KCNN2: variants seen among roughly 807,000 people sequenced by gnomAD.
KCNN2 encodes small conductance calcium-activated potassium channel protein 2.
In KCNN2, 24 loss-of-function variants were observed where a neutral mutation model predicts 55.5. That is an observed-to-expected ratio of 0.43 (90% CI 0.31 to 0.61). The LOEUF is 0.61. Ranked by LOEUF, KCNN2 falls within the 20% of genes least tolerant of loss-of-function variation. The probability of loss-of-function intolerance (pLI) is 0.08; values close to 1 mark genes in which losing one functional copy is unlikely to be tolerated. For missense variants in KCNN2, 754 were observed against 853.6 expected, an observed-to-expected ratio of 0.88 and a Z score of 1.45; for synonymous variants, 431 against 336.1, an observed-to-expected ratio of 1.28 and a Z score of -3.09.
At chr5:114,094,229 T>C (rs1319432539) in intron 1 of KCNN2, among the ~76,000 whole-genome samples, 1 of 145,582 alleles carries the variant, frequency 6.9e-6, no homozygotes, top group East Asian at 1.9e-4. Flanking sequence ...TGTGACACTC[T>C]TTACCTGCCC....
At chr5:114,460,459 G>A (rs1213931017) in intron 3 of KCNN2, among the ~76,000 whole-genome samples, 1 of 152,144 alleles carries the variant, frequency 6.6e-6, no homozygotes, top group African/African-American at 2.4e-5. Flanking sequence ...GCCCAAGCTG[G>A]TCCCGAACTC....
At chr5:114,170,218 C>T (rs531153224) in intron 1 of KCNN2, among the ~76,000 whole-genome samples, 2 of 152,204 alleles carry the variant, frequency 1.3e-5, no homozygotes, top group African/African-American at 4.8e-5. Flanking sequence ...CCATATTCTT[C>T]ATTACATAAT....
chr5:114,222,031 G>A (rs1212756484), intron 2 of KCNN2, among the ~76,000 whole-genome samples: 2 of 152,168 alleles, frequency 1.3e-5, no homozygotes, highest in South Asian at 4.1e-4. Flanking sequence ...ACAAGTTAAA[G>A]TGCATGGCTA....
chr5:114,146,313 AT>A (rs1752397052), intron 1 of KCNN2, among the ~76,000 whole-genome samples: 1 of 152,142 alleles, frequency 6.6e-6, no homozygotes, highest in African/African-American at 2.4e-5. Context: ...AGTAATTATA[AT>A]TTTAAAGTTC....
intron 2 of KCNN2, among the ~76,000 whole-genome samples, chr5:114,276,604 G>A (rs997506651): frequency 1.4e-4 from 21 of 149,896 alleles, no homozygotes; most frequent in African/African-American, 4.7e-4. Context: ...TGTCTCTTTC[G>A]ATCTTTGTTG....
At chr5:114,268,380 T>C (rs1038751173) in intron 2 of KCNN2, among the ~76,000 whole-genome samples, 3 of 152,238 alleles carry the variant, frequency 2.0e-5, no homozygotes, top group African/African-American at 7.2e-5. Flanking sequence ...ATGTTTTATA[T>C]AAAATTTAAA....
At chr5:114,200,897 A>G (rs146601412) in intron 1 of KCNN2, among the ~76,000 whole-genome samples, 12 of 152,282 alleles carry the variant, frequency 7.9e-5, no homozygotes, top group Non-Finnish European at 1.5e-4. Context: ...TTTGGGCTCC[A>G]GTGGTGGCAG....
intron 2 of KCNN2, among the ~76,000 whole-genome samples, chr5:114,334,961 T>A (rs1485021773): frequency 6.6e-6 from 1 of 152,130 alleles, no homozygotes; most frequent in African/African-American, 2.4e-5. Context: ...TCTCGCTCTG[T>A]CGCCCAGGCT....
At chr5:114,476,566 G>T (rs1448905850) in intron 5 of KCNN2, among the ~76,000 whole-genome samples, 4 of 151,716 alleles carry the variant, frequency 2.6e-5, no homozygotes, top group African/African-American at 9.7e-5. Flanking sequence ...TTACAGGCAT[G>T]CACCACCATG....
At chr5:114,170,634 T>C (rs1164662622) in intron 1 of KCNN2, among the ~76,000 whole-genome samples, 1 of 152,172 alleles carries the variant, frequency 6.6e-6, no homozygotes, top group East Asian at 1.9e-4. Context: ...ACTTTCCATA[T>C]GTTGAAAGTT....
In KCNN2 at chr5:114,257,656, TTATAGG is replaced by T. The variant is rs1755010960; in HGVS notation, c.-185+36096_-185+36101del. Among the ~76,000 whole-genome samples, 21 of 152,174 alleles carry T rather than the reference TTATAGG, an allele frequency of 1.4e-4. 1 individual carries two copies. The highest frequency in any genetic ancestry group is 1.2e-3 in the Admixed American group (19 of 15,270). ...CTTGATTTGGTTCTCAGCTTGATTGTTATAGGTATACAGAAATGGAACTCATTTTTG... is the reference window on the plus strand; with the variant it reads ...CTTGATTTGGTTCTCAGCTTGATTGTTATACAGAAATGGAACTCATTTTTG... On this transcript the variant is annotated intron_variant, in intron 2 of 10. Coordinates refer to the KCNN2 transcript ENST00000512097.
intron 2 of KCNN2, among the ~76,000 whole-genome samples, chr5:114,223,499 G>A (rs918566869): frequency 2.0e-5 from 3 of 152,020 alleles, no homozygotes; most frequent in Non-Finnish European, 4.4e-5. Flanking sequence ...AAAATTAATG[G>A]TTTTGAAATT....
At chr5:114,434,255 G>C (rs338663) in intron 3 of KCNN2, among the ~76,000 whole-genome samples, 74,680 of 151,432 alleles carry the variant, frequency 0.49, 20,261 homozygotes, top group East Asian at 0.82. Context: ...GCTATAAACA[G>C]TCTACTACTC....
intron 1 of KCNN2, among the ~76,000 whole-genome samples, chr5:114,203,973 T>G (rs1753723060): frequency 6.6e-6 from 1 of 152,088 alleles, no homozygotes; most frequent in Non-Finnish European, 1.5e-5. Flanking sequence ...GAATCCCTGA[T>G]TTCATTCATT....
chr5:114,406,891 G>A (rs946984994), intron 3 of KCNN2, among the ~76,000 whole-genome samples: 3 of 152,090 alleles, frequency 2.0e-5, no homozygotes, highest in Admixed American at 2.0e-4. Context: ...TTGCAGATAT[G>A]GGAGTCTTTA....
chr5:114,438,849 A>C (rs970796244), intron 3 of KCNN2, among the ~76,000 whole-genome samples: 2 of 151,950 alleles, frequency 1.3e-5, no homozygotes, highest in Admixed American at 1.3e-4. Context: ...GCAAAACCCT[A>C]TGTTAGAGAA....
chr5:114,460,747 G>T (rs1183576470), intron 3 of KCNN2, among the ~76,000 whole-genome samples: 1 of 152,178 alleles, frequency 6.6e-6, no homozygotes, highest in East Asian at 1.9e-4. Context: ...CGTCAAATTA[G>T]AAAATGCAAG....
intron 2 of KCNN2, among the ~76,000 whole-genome samples, chr5:114,223,807 G>T (rs1330957270): frequency 1.3e-5 from 2 of 152,200 alleles, no homozygotes; most frequent in East Asian, 3.9e-4. Context: ...TTGCTGAGTT[G>T]TGATGCTGCC....
In KCNN2 at chr5:114,496,009, G is replaced by T; in HGVS notation, c.2203G>T (p.Ala735Ser). The T allele has an allele frequency of 6.8e-6, 11 of 1,613,962 alleles. No individual in the cohort carries two copies. The highest frequency in any genetic ancestry group is 1.3e-5 in the African/African-American group (1 of 74,994). The change falls in exon 8 of 8, where the codon GCC (alanine) becomes TCC (serine). Residue 735 changes from alanine to serine, a missense_variant. Transcript: ENST00000673685. Reference sequence around the variant, plus strand: ...AGAGACTTTGATTGGTAGCATCCACGCCCTCCCTGGGCTCATAAGCCAGAC... The same window carrying T: ...AGAGACTTTGATTGGTAGCATCCACTCCCTCCCTGGGCTCATAAGCCAGAC... ...KLETLIGSIH[A>S]LPGLISQTIR...
Sources: gnomAD v4.1 joint callset for allele counts (sites outside exome capture counted in the v4.1 genomes callset) on GRCh38, gnomAD v4.1.1 for gene constraint, MANE v1.5 for transcripts, NCBI Gene and HGNC (gene_info 2026-07-23, HGNC 2026-07-21) for gene names.